The following GRIP1 variants were observed in gnomAD, a reference collection of about 807,000 sequenced individuals.
GRIP1 encodes glutamate receptor interacting protein 1, also known as glutamate receptor-interacting protein 1.
Under a neutral mutation model 129.9 loss-of-function variants are expected in GRIP1, and 45 were observed. The ratio of observed to expected loss-of-function variants is 0.35; its 90% confidence interval spans 0.27 to 0.44. The LOEUF (loss-of-function observed/expected upper bound fraction) is 0.44. GRIP1 is among the 20% of genes least tolerant of loss of function. The pLI, the probability that GRIP1 is intolerant of heterozygous loss-of-function variation, is 1.00. For missense variants in GRIP1, 1,196 were observed against 1,396.8 expected (o/e 0.86, Z 2.29); for synonymous variants, 530 against 520.8 (o/e 1.02, Z -0.24).
intron 2 of GRIP1, among the ~76,000 whole-genome samples, chr12:66,589,191 A>AC (rs1378383180): frequency 1.6e-3 from 77 of 47,428 alleles, no homozygotes; most frequent in South Asian, 2.8e-3. Flanking sequence ...CCCCTCCCCC[A>AC]CCTTCTCTCT....
intron 1 of GRIP1, among the ~76,000 whole-genome samples, chr12:66,977,105 TC>T: frequency 6.6e-6 from 1 of 152,158 alleles, no homozygotes; most frequent in Non-Finnish European, 1.5e-5. Context: ...AATGGATAGC[TC>T]CCAGAGAAAG....
chr12:66,572,765 A>G lies in GRIP1; in HGVS notation c.136+24082T>C, dbSNP rs548026026. 2.2e-4 allele frequency among the ~76,000 whole-genome samples: 33 copies of G among 152,322 alleles called. No homozygotes were observed. In the South Asian group the frequency reaches 6.8e-3, roughly 32 times the overall value. On this transcript the variant is annotated intron_variant, in intron 2 of 24. Coordinates refer to ENST00000359742, the MANE Select transcript of GRIP1 (RefSeq NM_001366722.1). ...CCCAGTGTGAGAAACTAATCCTCCC[A>G]GAAAGCCATCTATGCCTTCTTCAGA...
At chr12:66,517,734 C>CT (rs112804687) in intron 6 of GRIP1, among the ~76,000 whole-genome samples, 167 bp downstream of exon 6, 51 of 148,996 alleles carry the variant, frequency 3.4e-4, no homozygotes, top group Middle Eastern at 3.4e-3. Context: ...AGAGGCAAAC[C>CT]TTTTTTTTTT....
chr12:66,923,843 AT>A (rs796252427), intron 1 of GRIP1, among the ~76,000 whole-genome samples: 58 of 147,392 alleles, frequency 3.9e-4, no homozygotes, highest in East Asian at 5.9e-4. Flanking sequence ...ATTTTTCAGC[AT>A]TTTTTTTTTT....
rs530649606 is a variant in GRIP1, at chr12:66,985,713, A to G, written c.58+83337T>C. On this transcript the variant is annotated intron_variant, in intron 1 of 1. Transcript: ENST00000643019. ...CACTCAGGTTTTCAAAGATAAAATG[A>G]TGTTTTCAGTAACACCTACTACCTC... is the stretch of plus-strand genomic sequence containing the variant. Among the ~76,000 whole-genome samples, 176 of 152,312 alleles carry G rather than the reference A, an allele frequency of 1.2e-3. 2 individuals carry two copies. Among genetic ancestry groups the G allele is most frequent in the South Asian group, 0.011 (55 of 4,824 alleles).
At chr12:66,964,667 T>C (rs555141395) in intron 1 of GRIP1, among the ~76,000 whole-genome samples, 82 of 152,228 alleles carry the variant, frequency 5.4e-4, no homozygotes, top group African/African-American at 1.9e-3. Flanking sequence ...AACTAAACCT[T>C]CCCCAGAGAG....
intron 1 of GRIP1, among the ~76,000 whole-genome samples, chr12:66,838,295 T>C (rs1159748242): frequency 1.3e-5 from 2 of 152,104 alleles, no homozygotes; most frequent in Non-Finnish European, 2.9e-5. Context: ...TACTCTATCA[T>C]TGGGTACCAT....
At chr12:67,016,706 C>T (rs948704875) in intron 1 of GRIP1, among the ~76,000 whole-genome samples, 3 of 152,106 alleles carry the variant, frequency 2.0e-5, no homozygotes, top group Admixed American at 6.6e-5. Context: ...TCAATTGGAG[C>T]CGTTTTTAGA....
intron 23 of GRIP1, among the ~76,000 whole-genome samples, chr12:66,361,721 C>A (rs535997439): frequency 6.6e-6 from 1 of 152,332 alleles, no homozygotes; most frequent in Admixed American, 6.5e-5. Context: ...CTGCTCACAG[C>A]ACCCCTCCTG....
At chr12:66,681,092 G>T (rs1264705429), upstream of GRIP1, among the ~76,000 whole-genome samples, 1 of 152,130 alleles carries the variant, frequency 6.6e-6, no homozygotes, top group African/African-American at 2.4e-5. Flanking sequence ...GTTTCTGAGA[G>T]CCCAAACTAG....
intron 1 of GRIP1, among the ~76,000 whole-genome samples, chr12:66,639,377 G>C (rs1302303460): frequency 6.6e-6 from 1 of 152,092 alleles, no homozygotes; most frequent in East Asian, 1.9e-4. Flanking sequence ...GTGTGCATTG[G>C]GGGAGGGCGT....
chr12:66,616,602 G>T (rs908802751), intron 1 of GRIP1, among the ~76,000 whole-genome samples: 2 of 152,064 alleles, frequency 1.3e-5, no homozygotes, highest in African/African-American at 4.8e-5. Context: ...CCTCCATCCA[G>T]CTGCAAGCAA....
At chr12:66,901,901 T>C (rs371828767) in intron 1 of GRIP1, among the ~76,000 whole-genome samples, 1 of 152,216 alleles carries the variant, frequency 6.6e-6, no homozygotes, top group Admixed American at 6.5e-5. Context: ...ACGGCATACA[T>C]AAAGTCTTCT....
In GRIP1 at chr12:66,707,387, T is replaced by G. The variant is rs74098239; in HGVS notation, c.-419-77051A>C. 5.5e-3 allele frequency among the ~76,000 whole-genome samples: 831 copies of G among 150,402 alleles called. 6 individuals are homozygous for G. Among genetic ancestry groups the G allele is most frequent in the African/African-American group, 0.018 (747 of 40,996 alleles). On this transcript the variant is annotated intron_variant, in intron 1 of 4. Coordinates refer to the GRIP1 transcript ENST00000538373. ...ATACCATGTAAGTAAGCAACATGAA[T>G]AAAACGTTGCTTACATTCAGTCTCT...
In GRIP1 at chr12:66,758,185, G is replaced by T. The variant is rs560941512; in HGVS notation, c.-420+45868C>A. ...CTGGGAACAAAAAGAGATTTAATTG[G>T]ACTTACAGTTCCACTTGGCTGGGGA... On this transcript the variant is annotated intron_variant, in intron 1 of 4. Coordinates refer to the GRIP1 transcript ENST00000538373. Among the ~76,000 whole-genome samples, 35 of 152,252 alleles carry T rather than the reference G, an allele frequency of 2.3e-4. 2 individuals carry two copies. In the South Asian group the frequency reaches 7.3e-3, roughly 32 times the overall value.
intron 1 of GRIP1, among the ~76,000 whole-genome samples, chr12:66,741,255 A>C (rs1178950359): frequency 6.6e-6 from 1 of 152,204 alleles, no homozygotes; most frequent in Non-Finnish European, 1.5e-5. Flanking sequence ...AGTACTTAAA[A>C]ACCCTTTATT....
At chr12:66,390,576 T>C (rs2056545006) in intron 19 of GRIP1, among the ~76,000 whole-genome samples, 1 of 152,228 alleles carries the variant, frequency 6.6e-6, no homozygotes, top group Non-Finnish European at 1.5e-5. Context: ...CTCATGGTCC[T>C]GTGTCTGTGG....
chr12:66,406,199 G>T, intron 16 of GRIP1, 84 bp downstream of exon 16: 2 of 1,327,414 alleles, frequency 1.5e-6, no homozygotes, highest in Non-Finnish European at 2.2e-6. Context: ...GCCAGCTGTT[G>T]TATGTAAAAC....
chr12:66,596,876 G>T lies in GRIP1; in HGVS notation c.107C>A (p.Ala36Glu). ...SASQTKPPDG[A>E]LAVRRQSIPE... ...GATGCTCTGTCTCCTCACAGCCAACGCTCCATCAGGCGGCTTTGTCTGGCT... is the reference window on the plus strand; with the variant it reads ...GATGCTCTGTCTCCTCACAGCCAACTCTCCATCAGGCGGCTTTGTCTGGCT... The change falls in exon 2 of 25, where the codon GCG becomes GAG. Residue 36 changes from alanine to glutamate, a missense_variant. Ala to Glu is a moderately radical substitution (Grantham distance 107). Around this residue, in one of 5 missense-constraint regions of GRIP1, gnomAD observed 217 missense variants for 224.8 expected, o/e 0.97. Transcript: ENST00000359742. 1 of 1,613,232 alleles carries T rather than the reference G, an allele frequency of 6.2e-7. No homozygotes were observed. The highest frequency in any genetic ancestry group is 1.1e-5 in the South Asian group (1 of 91,068).
Sources: allele counts gnomAD v4.1 joint callset (sites outside exome capture counted in the v4.1 genomes callset), GRCh38; gene constraint gnomAD v4.1.1; regional missense constraint gnomAD v4.1.1; transcripts MANE v1.5; gene names NCBI Gene and HGNC (gene_info 2026-07-23, HGNC 2026-07-21).